MYH3: variants seen among roughly 807,000 people sequenced by gnomAD.
MYH3 encodes myosin heavy chain 3.
MYH3 carries 130 observed loss-of-function variants against 238.0 expected under a neutral mutation model. The ratio of observed to expected loss-of-function variants is 0.55; its 90% CI spans 0.47 to 0.63. MYH3 has a LOEUF of 0.63. Among genes scored for constraint, MYH3 ranks in the 30% least tolerant of loss-of-function variants. The pLI is 0.00. For synonymous variants in MYH3, 880 were observed against 924.1 expected (o/e 0.95, Z 0.86); for missense variants, 1,853 against 2,374.9 (o/e 0.78, Z 4.57).
intron 17 of MYH3, among the ~76,000 whole-genome samples, chr17:10,641,604 T>C (rs2074273316): frequency 6.8e-6 from 1 of 147,202 alleles, no homozygotes; most frequent in South Asian, 2.2e-4. Flanking sequence ...AACCTCCTCC[T>C]CCTAGGTTCA....
At chr17:10,674,399 C>G in the MYH3 span, 1 of 264,250 alleles carries the variant, frequency 3.8e-6, no homozygotes, top group East Asian at 1.4e-4. Context: ...GCTCTCCAGC[C>G]TAGGCAACAA....
Position 10,642,982 on chromosome 17 carries a change from C to T in MYH3, c.1425G>A (p.Glu475=). The change falls in exon 15 of 41, where the codon GAG becomes GAA. Residue 475 remains glutamate (E), a synonymous_variant. Transcript: ENST00000583535. This position sits in a 1 kb window ranked among gnomAD's most constrained non-coding sequence, Gnocchi z 5.4. The stretch of plus-strand genomic sequence containing the variant: ...CATTGGTGAAGTTGATGCACAGCTG[C>T]TCCAGGCTGTTATACTAATAAAAAA... ...GFEIFEYNSL[E]QLCINFTNEK... The T allele has an allele frequency of 1.2e-6, 2 of 1,614,192 alleles. No homozygotes were observed. Among genetic ancestry groups the T allele is most frequent in the Non-Finnish European group, 1.7e-6 (2 of 1,180,016 alleles).
chr17:10,638,028 C>A lies in MYH3; in HGVS notation c.3729+15G>T, dbSNP rs185230952. ...CTGATGGAAAGCCTTGAGCCACCCC[C>A]ACCCCGCGCAGCACCTTAGATTTCG... On this transcript the variant is annotated intron_variant, in intron 27 of 40. Coordinates refer to ENST00000583535, the MANE Select transcript of MYH3 (RefSeq NM_002470.4). 1.5e-4 allele frequency: 238 copies of A among 1,614,022 alleles called. 1 individual carries two copies. In the African/African-American group the frequency reaches 2.6e-3, roughly 17 times the overall value.
chr17:10,632,972 G>A (rs1741931241), intron 33 of MYH3, among the ~76,000 whole-genome samples, 188 bp from the exon 34 acceptor site: 1 of 152,198 alleles, frequency 6.6e-6, no homozygotes, highest in Non-Finnish European at 1.5e-5. Flanking sequence ...AGCACTTTGG[G>A]AGGCCGAGGG....
intron 19 of MYH3, 62 bp from the exon 20 acceptor site, chr17:10,640,748 T>C (rs991327446): frequency 1.9e-6 from 3 of 1,581,036 alleles, no homozygotes; most frequent in Non-Finnish European, 2.6e-6. Context: ...TTGGAGAACA[T>C]GTAGTTCAGG....
chr17:10,638,024 C>T lies in MYH3; in HGVS notation c.3729+19G>A, dbSNP rs777731863. 2 of 1,613,766 alleles carry T rather than the reference C, an allele frequency of 1.2e-6. No individual in the cohort carries two copies. The highest frequency in any genetic ancestry group is 1.7e-6 in the Non-Finnish European group (2 of 1,180,010). ...GTGTCTGATGGAAAGCCTTGAGCCACCCCCACCCCGCGCAGCACCTTAGAT... is the reference window on the plus strand; with the variant it reads ...GTGTCTGATGGAAAGCCTTGAGCCATCCCCACCCCGCGCAGCACCTTAGAT... On this transcript the variant is annotated intron_variant, in intron 27 of 40. Coordinates refer to ENST00000583535, the MANE Select transcript of MYH3 (RefSeq NM_002470.4).
chr17:10,635,704 A>C (rs759426326), intron 29 of MYH3, 31 bp downstream of exon 29: 2 of 1,612,440 alleles, frequency 1.2e-6, no homozygotes, highest in South Asian at 2.2e-5. Flanking sequence ...TTTAAAAATA[A>C]GGGCAAAGAA....
chr17:10,665,999 A>G, the MYH3 span, among the ~76,000 whole-genome samples: 1 of 152,192 alleles, frequency 6.6e-6, no homozygotes, highest in Non-Finnish European at 1.5e-5. Flanking sequence ...AAGTCAGTGG[A>G]CCAAAGATGG....
chr17:10,644,622 C>G lies in MYH3; in HGVS notation c.1222G>C (p.Gly408Arg). ...TGACCTTTGGTAACGTACTCATTCCCAACTTTCACTCTAGGAAAGCACAAA... is the reference window on the plus strand; with the variant it reads ...TGACCTTTGGTAACGTACTCATTCCGAACTTTCACTCTAGGAAAGCACAAA... ...KALCFPRVKV[G>R]NEYVTKGQTV... Residue 408 changes from glycine to arginine, a missense_variant, in exon 13 of 41, where the codon GGG becomes CGG. Around this residue, in one of 3 missense-constraint regions of MYH3, gnomAD observed 678 missense variants for 1,058.9 expected, o/e 0.64. Transcript: ENST00000583535. The G allele has an allele frequency of 6.2e-7, 1 of 1,614,170 alleles. No homozygotes were observed. Among genetic ancestry groups the G allele is most frequent in the East Asian group, 2.2e-5 (1 of 44,888 alleles).
chr17:10,649,853 C>T (rs1264510549), intron 6 of MYH3, among the ~76,000 whole-genome samples, 168 bp from the exon 7 acceptor site: 2 of 152,224 alleles, frequency 1.3e-5, no homozygotes, highest in Non-Finnish European at 2.9e-5. Context: ...GGCACAGGTG[C>T]CACAGGCACT....
rs1403747183 is a variant in MYH3 at position 10,641,383 on chromosome 17, A to T, written c.1960-11T>A. ...CTTGTTCAGGTTTTCCTAAGAGAAA[A>T]AAAAAATGACATTTGCCATCCTACT... On this transcript the variant is annotated splice_polypyrimidine_tract_variant and intron_variant, in intron 17 of 40. Coordinates refer to ENST00000583535, the MANE Select transcript of MYH3 (RefSeq NM_002470.4). The T allele has an allele frequency of 1.9e-6, 3 of 1,587,256 alleles. No homozygotes were observed. The highest frequency in any genetic ancestry group is 2.7e-5 in the African/African-American group (2 of 74,330).
the MYH3 span, among the ~76,000 whole-genome samples, chr17:10,670,052 G>A: frequency 6.6e-6 from 1 of 152,236 alleles, no homozygotes; most frequent in Admixed American, 6.5e-5. The surrounding 1 kb of genome is among the most constrained non-coding windows in gnomAD (Gnocchi z 7.0). Flanking sequence ...AAGGTGGGGA[G>A]GCAGAGGCAG....
Position 10,632,035 on chromosome 17 carries a change from A to ACATT in MYH3, c.4957-23_4957-20dup. On this transcript the variant is annotated intron_variant, in intron 34 of 40. Coordinates refer to ENST00000583535, the MANE Select transcript of MYH3 (RefSeq NM_002470.4). ...GCGTATCCTAGCCAGAGAAAAACGA[A>ACATT]CATTCTATTTGAAGTTGAGGCGTTA... The ACATT allele has an allele frequency of 6.2e-7, 1 of 1,611,548 alleles. No homozygotes were observed. The highest frequency in any genetic ancestry group is 2.0e-4 in the Middle Eastern group (1 of 4,910).
Position 10,639,486 on chromosome 17 carries a change from T to G in MYH3, c.2926-12A>C. ...GTAAGGTTTTTAACCTAAGAAGAATTCGCAAGCAATTATAAGCTTAAAGTT... is the reference window on the plus strand; with the variant it reads ...GTAAGGTTTTTAACCTAAGAAGAATGCGCAAGCAATTATAAGCTTAAAGTT... On this transcript the variant is annotated splice_polypyrimidine_tract_variant and intron_variant, in intron 23 of 40. Transcript: ENST00000583535. 11 of 1,613,812 alleles carry G rather than the reference T, an allele frequency of 6.8e-6. No individual in the cohort carries two copies. Among genetic ancestry groups the G allele is most frequent in the Non-Finnish European group, 9.3e-6 (11 of 1,179,952 alleles).
intron 40 of MYH3, among the ~76,000 whole-genome samples, chr17:10,629,170 C>T (rs2074125086): frequency 6.6e-6 from 1 of 152,136 alleles, no homozygotes; most frequent in African/African-American, 2.4e-5. Context: ...AATGCTCTCC[C>T]TCCCCTTGCC....
intron 34 of MYH3, 84 bp from the exon 35 acceptor site, chr17:10,632,100 T>C: frequency 1.4e-6 from 2 of 1,462,708 alleles, no homozygotes; most frequent in Non-Finnish European, 1.8e-6. Context: ...TTTTGTTTGT[T>C]TGTTTGTTTG....
Position 10,641,361 on chromosome 17 carries a change from G to T in MYH3, c.1971C>A (p.Asn657Lys). ...TAGTTCTTAAATTTGACATCAGCTT[G>T]TTCAGGTTTTCCTAAGAGAAAAAAA... ...TVSALFRENL[N>K]KLMSNLRTTH... The change falls in exon 18 of 41, where the codon AAC becomes AAA. Residue 657 changes from asparagine to lysine, a missense_variant. This residue lies in a region of MYH3 where 678 missense variants were observed against 1,058.9 expected (regional missense o/e 0.64). Transcript: ENST00000583535. The T allele has an allele frequency of 6.3e-7, 1 of 1,592,318 alleles. No homozygotes were observed. Among genetic ancestry groups the T allele is most frequent in the Non-Finnish European group, 8.6e-7 (1 of 1,168,344 alleles).
chr17:10,666,698 G>A, the MYH3 span, among the ~76,000 whole-genome samples: 2 of 152,000 alleles, frequency 1.3e-5, no homozygotes, highest in Admixed American at 6.6e-5. Flanking sequence ...TGAGGCCAAG[G>A]CTACAGTGAG....
intron 33 of MYH3, 92 bp downstream of exon 33, chr17:10,633,499 C>T (rs977645237): frequency 7.2e-5 from 113 of 1,570,680 alleles, no homozygotes; most frequent in Non-Finnish European, 9.8e-5. Context: ...TTGACAAAGG[C>T]AAAAATGGAG....
Sources: gnomAD v4.1 joint callset for allele counts (sites outside exome capture counted in the v4.1 genomes callset) on GRCh38, gnomAD v4.1.1 for gene constraint, gnomAD v4.1.1 regional missense constraint, Gnocchi (gnomAD v3.1) non-coding constraint, MANE v1.5 for transcripts, NCBI Gene and HGNC (gene_info 2026-07-23, HGNC 2026-07-21) for gene names.